SLC44A5: variants seen among roughly 807,000 people sequenced by gnomAD.
SLC44A5 encodes solute carrier family 44 member 5.
SLC44A5 carries 57 observed loss-of-function variants against 101.8 expected under a neutral mutation model. The observed-to-expected ratio is 0.56, with a 90% CI of 0.45 to 0.70. The LOEUF is 0.70. SLC44A5 is among the 30% of genes least tolerant of loss of function. SLC44A5 has a pLI of 0.00. For synonymous variants in SLC44A5, 281 were observed against 290.9 expected (o/e 0.97, Z 0.35); for missense variants, 737 against 853.1 (o/e 0.86, Z 1.70).
chr1:75,210,201 C>T (rs1526515), intron 23 of SLC44A5, among the ~76,000 whole-genome samples: 6,732 of 151,556 alleles, frequency 0.044, 188 homozygotes, highest in Middle Eastern at 0.092. Flanking sequence ...TGTGTGCTAC[C>T]GTGCCTGGCT....
chr1:75,394,111 G>A (rs1168609617), intron 3 of SLC44A5, among the ~76,000 whole-genome samples: 2 of 152,082 alleles, frequency 1.3e-5, no homozygotes, highest in Non-Finnish European at 2.9e-5. Flanking sequence ...AAGTGTGAGC[G>A]ACTGGCCAGA....
chr1:75,288,909 C>G (rs1653301250), intron 5 of SLC44A5, among the ~76,000 whole-genome samples: 1 of 152,174 alleles, frequency 6.6e-6, no homozygotes, highest in Non-Finnish European at 1.5e-5. Flanking sequence ...TGATAATATC[C>G]TTATTCCACA....
At chr1:75,385,021 C>T (rs1661203494) in intron 3 of SLC44A5, among the ~76,000 whole-genome samples, 1 of 152,096 alleles carries the variant, frequency 6.6e-6, no homozygotes, top group Admixed American at 6.6e-5. Flanking sequence ...AGAACAAAGA[C>T]ACAACATACC....
chr1:75,348,801 A>T (rs1315790849), intron 3 of SLC44A5, among the ~76,000 whole-genome samples: 3 of 152,234 alleles, frequency 2.0e-5, no homozygotes, highest in Non-Finnish European at 4.4e-5. Context: ...TAAAACAACT[A>T]TGTTTACTGT....
intron 2 of SLC44A5, among the ~76,000 whole-genome samples, chr1:75,475,233 T>C (rs1463890048): frequency 6.6e-6 from 1 of 152,242 alleles, no homozygotes; most frequent in Non-Finnish European, 1.5e-5. Flanking sequence ...TTTCTAGATG[T>C]CCTTCCAATA....
chr1:75,657,547 T>TAAAA, the SLC44A5 span, among the ~76,000 whole-genome samples: 2 of 132,900 alleles, frequency 1.5e-5, no homozygotes, highest in African/African-American at 2.8e-5. Context: ...GACTCTTTCT[T>TAAAA]AAAAAAAAAA....
At chr1:75,245,870 A>T (rs1438630699) in intron 7 of SLC44A5, among the ~76,000 whole-genome samples, 3 of 152,142 alleles carry the variant, frequency 2.0e-5, no homozygotes, top group Non-Finnish European at 4.4e-5. Context: ...TCAACATATA[A>T]TTAGCCAAAA....
At chr1:75,722,755 T>C in the SLC44A5 span, among the ~76,000 whole-genome samples, 2 of 152,230 alleles carry the variant, frequency 1.3e-5, no homozygotes, top group African/African-American at 2.4e-5. Flanking sequence ...TTATCATTTC[T>C]ACGTTCGTCC....
chr1:75,689,382 G>C, the SLC44A5 span, among the ~76,000 whole-genome samples: 1 of 152,174 alleles, frequency 6.6e-6, no homozygotes, highest in Non-Finnish European at 1.5e-5. Flanking sequence ...TAGGAAACCA[G>C]ATCTTGTCTG....
chr1:75,714,767 C>G, the SLC44A5 span, among the ~76,000 whole-genome samples: 1 of 145,996 alleles, frequency 6.8e-6, no homozygotes, highest in Non-Finnish European at 1.5e-5. Context: ...ACCTCCACCT[C>G]CTGGGTTCAA....
intron 3 of SLC44A5, among the ~76,000 whole-genome samples, chr1:75,382,014 T>C (rs1465184608): frequency 1.5e-5 from 1 of 68,922 alleles, no homozygotes. Context: ...CAAATCAAAT[T>C]AATGATCTTA....
chr1:75,393,206 T>A (rs1661911028), intron 3 of SLC44A5, among the ~76,000 whole-genome samples: 1 of 152,178 alleles, frequency 6.6e-6, no homozygotes, highest in Admixed American at 6.6e-5. Context: ...ATCTAAACAC[T>A]GTTTTCATTG....
At chr1:75,276,243 C>T (rs1365621276) in intron 5 of SLC44A5, among the ~76,000 whole-genome samples, 3 of 152,042 alleles carry the variant, frequency 2.0e-5, no homozygotes, top group African/African-American at 7.2e-5. Context: ...CGTATCTTCC[C>T]GTCTCTATTT....
intron 2 of SLC44A5, among the ~76,000 whole-genome samples, chr1:75,497,295 T>C (rs1342201381): frequency 6.6e-6 from 1 of 152,006 alleles, no homozygotes; most frequent in Non-Finnish European, 1.5e-5. Flanking sequence ...GGGTGTTTTA[T>C]TCAGACTTTT....
At chr1:75,434,039 C>T (rs1203943453) in intron 2 of SLC44A5, among the ~76,000 whole-genome samples, 1 of 152,064 alleles carries the variant, frequency 6.6e-6, no homozygotes, top group Non-Finnish European at 1.5e-5. Flanking sequence ...CCTCCCGCAA[C>T]ACATGGGAAT....
chr1:75,667,421 TAA>T, the SLC44A5 span, among the ~76,000 whole-genome samples: 4 of 152,170 alleles, frequency 2.6e-5, no homozygotes, highest in East Asian at 3.9e-4. Flanking sequence ...CTCAACGAAA[TAA>T]GAGAGGACAC....
chr1:75,563,182 A>T (rs1672615122), intron 1 of SLC44A5, among the ~76,000 whole-genome samples: 1 of 152,194 alleles, frequency 6.6e-6, no homozygotes, highest in East Asian at 1.9e-4. Context: ...TGGGATGTAA[A>T]TTGAGTTTCA....
rs894554188 is a variant in SLC44A5, at chr1:75,375,107, ACT to A, written c.52+21474_52+21475del. 4.6e-5 allele frequency among the ~76,000 whole-genome samples: 7 copies of A among 152,276 alleles called. 1 individual carries two copies. The highest frequency in any genetic ancestry group is 1.7e-4 in the African/African-American group (7 of 41,552). On this transcript the variant is annotated intron_variant, in intron 3 of 23. Coordinates refer to ENST00000370859, the MANE Select transcript of SLC44A5 (RefSeq NM_001130058.2). ...GAAAATTAAAACCCAATCCAAGAAAACTCAAAAAATGATCCAAGTATCGAAAG... is the reference window on the plus strand; with the variant it reads ...GAAAATTAAAACCCAATCCAAGAAAACAAAAAATGATCCAAGTATCGAAAG...
At chr1:75,675,584 C>T in the SLC44A5 span, among the ~76,000 whole-genome samples, 39,755 of 151,958 alleles carry the variant, frequency 0.26, 6,463 homozygotes, top group East Asian at 0.68. Flanking sequence ...AATATAAAAT[C>T]AAAAACTATA....
Sources: allele counts gnomAD v4.1 joint callset (sites outside exome capture counted in the v4.1 genomes callset), GRCh38; gene constraint gnomAD v4.1.1; transcripts MANE v1.5; gene names NCBI Gene and HGNC (gene_info 2026-07-23, HGNC 2026-07-21).